The following C16orf89 variants were observed in gnomAD, a reference collection of about 807,000 sequenced individuals.
The protein encoded by C16orf89 is chromosome 16 open reading frame 89.
C16orf89 carries 57 observed loss-of-function variants against 41.5 expected under a neutral mutation model. That is an observed-to-expected ratio of 1.38 (90% CI 1.11 to 1.71). The LOEUF is 1.71. Ranked by LOEUF, C16orf89 falls within the 40% of genes most tolerant of loss-of-function variation. The pLI, the probability that C16orf89 is intolerant of heterozygous loss-of-function variation, is 0.00. For missense variants in C16orf89, 575 were observed against 445.9 expected (o/e 1.29, Z -2.61); for synonymous variants, 223 against 190.6 (o/e 1.17, Z -1.40).
intron 7 of C16orf89, among the ~76,000 whole-genome samples, chr16:5,045,787 A>G (rs1956284997): frequency 1.3e-5 from 2 of 152,126 alleles, no homozygotes; most frequent in African/African-American, 4.8e-5. Context: ...CCTGACCTCA[A>G]ACCCTGTGCT....
Position 5,050,058 on chromosome 16 carries a change from A to T in C16orf89, c.869-2094T>A, listed in dbSNP as rs1288476270. On this transcript the variant is annotated intron_variant, in intron 6 of 7. Coordinates refer to ENST00000472572, the MANE Select transcript of C16orf89 (RefSeq NM_001098514.3). ...AAAGGATCATTAGAGACTATTATAA[A>T]CAACAAATTAGAAAACCTAGTGGAG... Among the ~76,000 whole-genome samples the T allele has an allele frequency of 6.6e-5, 10 of 152,308 alleles. No individual in the cohort carries two copies. In the South Asian group the frequency reaches 2.1e-3, roughly 32 times the overall value.
chr16:5,044,762 T>G, intron 7 of C16orf89: 1 of 1,109,120 alleles, frequency 9.0e-7, no homozygotes, highest in Non-Finnish European at 1.2e-6. Context: ...GAGAATTGCT[T>G]GAACCCAGGA....
intron 1 of C16orf89, among the ~76,000 whole-genome samples, chr16:5,063,972 C>CA (rs1956682868): frequency 6.6e-6 from 1 of 151,958 alleles, no homozygotes; most frequent in Non-Finnish European, 1.5e-5. Flanking sequence ...ACCAAAAATA[C>CA]AAAAATTAGC....
intron 6 of C16orf89, among the ~76,000 whole-genome samples, chr16:5,052,608 A>G (rs71386504): frequency 0.3 from 45,819 of 151,822 alleles, 6,990 homozygotes; most frequent in Middle Eastern, 0.35. Context: ...AGAAAGAAAA[A>G]AAAAAAAGAC....
intron 2 of C16orf89, among the ~76,000 whole-genome samples, chr16:5,060,982 C>T (rs1353891201): frequency 7.6e-6 from 1 of 132,078 alleles, no homozygotes; most frequent in Non-Finnish European, 1.6e-5. Context: ...GAGGCAGGGC[C>T]AAGAGCGGTG....
At position 5,059,601 on chromosome 16, in the gene C16orf89, G is replaced by A. The variant is rs149437563; in HGVS notation, c.509+685C>T. On this transcript the variant is annotated intron_variant, in intron 3 of 7. Coordinates refer to ENST00000472572, the MANE Select transcript of C16orf89 (RefSeq NM_001098514.3). ...GCTGACAGGATGCGGCCTGGGCACC[G>A]GCTGCCCACTTTGCCCATGGGCCCT... Among the ~76,000 whole-genome samples the A allele has an allele frequency of 7.5e-3, 1,145 of 152,258 alleles. 7 individuals carry two copies. Among genetic ancestry groups the A allele is most frequent in the Non-Finnish European group, 0.011 (775 of 68,036 alleles).
Position 5,056,036 on chromosome 16 carries a change from C to T in C16orf89, c.763+17G>A. 1 of 1,577,192 alleles carries T rather than the reference C, an allele frequency of 6.3e-7. No individual in the cohort carries two copies. The highest frequency in any genetic ancestry group is 8.6e-7 in the Non-Finnish European group (1 of 1,156,192). ...ACACCCTGTTCCTTTGCCCCGGGGG[C>T]AGAATGCTGGCCATACTGTTTTCCA... On this transcript the variant is annotated intron_variant, in intron 5 of 7. Transcript: ENST00000472572.
intron 4 of C16orf89, among the ~76,000 whole-genome samples, chr16:5,058,201 A>G (rs1000627818): frequency 4.6e-5 from 7 of 151,570 alleles, no homozygotes; most frequent in Non-Finnish European, 7.4e-5. Context: ...AATCTTACTC[A>G]CTGCAACCTC....
Position 5,056,081 on chromosome 16 carries a change from G to C in C16orf89, c.735C>G (p.Tyr245Ter). ...NRRAEAIGYA[Y>*]PTRDIFMENI... Reference sequence around the variant, plus strand: ...TTTCCATGAAGATGTCCCGGGTAGGGTAGGCGTATCCGATGGCCTCAGCTC... The same window carrying C: ...TTTCCATGAAGATGTCCCGGGTAGGCTAGGCGTATCCGATGGCCTCAGCTC... Residue 245 changes from tyrosine (Y) to a stop codon, truncating the protein, a stop_gained, in exon 5 of 8, where the codon TAC becomes TAG. Transcript: ENST00000472572. LOFTEE classifies it high-confidence loss of function. 1 of 1,597,784 alleles carries C rather than the reference G, an allele frequency of 6.3e-7. No homozygotes were observed. The highest frequency in any genetic ancestry group is 8.6e-7 in the Non-Finnish European group (1 of 1,166,380).
intron 7 of C16orf89, 62 bp from the exon 8 acceptor site, chr16:5,044,540 G>A: frequency 6.2e-7 from 1 of 1,602,730 alleles, no homozygotes; most frequent in Non-Finnish European, 8.5e-7. Flanking sequence ...ATTCAACACA[G>A]TCTCATTGAA....
At chr16:5,048,927 T>G (rs1956350708) in intron 6 of C16orf89, among the ~76,000 whole-genome samples, 1 of 152,006 alleles carries the variant, frequency 6.6e-6, no homozygotes, top group African/African-American at 2.4e-5. Context: ...ATAGAGTGGC[T>G]GAATGAATGA....
intron 3 of C16orf89, 115 bp downstream of exon 3, chr16:5,060,171 G>T: frequency 7.7e-7 from 1 of 1,299,314 alleles, no homozygotes. Context: ...CTGCACCTGT[G>T]TCTGCACAAA....
At chr16:5,065,209 A>T (rs1956712654) in intron 1 of C16orf89, among the ~76,000 whole-genome samples, 5 of 152,070 alleles carry the variant, frequency 3.3e-5, no homozygotes, top group African/African-American at 1.2e-4. Flanking sequence ...CTTCTTGGGG[A>T]TCTTATAGCT....
chr16:5,048,483 C>G (rs974547978), intron 6 of C16orf89, among the ~76,000 whole-genome samples: 1 of 152,164 alleles, frequency 6.6e-6, no homozygotes, highest in Non-Finnish European at 1.5e-5. Flanking sequence ...AACTTGTCAT[C>G]TACTGATGGT....
intron 7 of C16orf89, among the ~76,000 whole-genome samples, chr16:5,045,898 C>G (rs1043289990): frequency 6.6e-6 from 1 of 152,184 alleles, no homozygotes; most frequent in Admixed American, 6.6e-5. Context: ...GCTGGTCAAC[C>G]TGGAGGTGTT....
chr16:5,044,213 T>C lies in C16orf89; in HGVS notation c.*135A>G, dbSNP rs1444028085. 7 of 1,409,970 alleles carry C rather than the reference T, an allele frequency of 5.0e-6. No individual in the cohort carries two copies. The South Asian group carries it at 6.5e-5, about 13-fold the overall frequency. 87.3% of individuals were successfully genotyped at this position (1,409,970 alleles called of 1,614,324 possible). ...CCTTGCCTACTCAGGGCTTCCAAGA[T>C]TGGGTGTCGGGGTGGCTTTGCTTAT... On this transcript the variant is annotated 3_prime_UTR_variant, in exon 8 of 8. Transcript: ENST00000472572.
At position 5,062,557 on chromosome 16, in the gene C16orf89, G is replaced by A. The variant is rs761975801; in HGVS notation, c.226C>T (p.Arg76Trp). The change falls in exon 2 of 8, where the codon CGG becomes TGG. Residue 76 changes from arginine to tryptophan, a missense_variant. Physicochemically the swap from Arg to Trp is moderately radical, Grantham distance 101. Coordinates refer to ENST00000472572, the MANE Select transcript of C16orf89 (RefSeq NM_001098514.3). ...RVLEEQLKSV[R>W]EKWAQEPLLQ... ...AGGGGCTCCTGGGCCCACTTCTCCC[G>A]GACACTTTTTAGCTGCTCTGGAAGG... 4.0e-5 allele frequency: 64 copies of A among 1,611,366 alleles called. No individual in the cohort carries two copies. The highest frequency in any genetic ancestry group is 3.9e-4 in the South Asian group (35 of 90,758).
chr16:5,056,286 C>T (rs892957765), intron 4 of C16orf89, 98 bp from the exon 5 acceptor site: 2 of 1,235,682 alleles, frequency 1.6e-6, no homozygotes. Context: ...GACGGTCTTG[C>T]AAGGGGCTGT....
At chr16:5,053,540 G>GTTTT (rs1383965959) in intron 6 of C16orf89, among the ~76,000 whole-genome samples, 1 of 149,268 alleles carries the variant, frequency 6.7e-6, no homozygotes, top group Non-Finnish European at 1.5e-5. Flanking sequence ...AACAATTTGT[G>GTTTT]GTTTTTTTTT....
Sources: allele counts gnomAD v4.1 joint callset (sites outside exome capture counted in the v4.1 genomes callset), GRCh38; gene constraint gnomAD v4.1.1; transcripts MANE v1.5; gene names NCBI Gene and HGNC (gene_info 2026-07-23, HGNC 2026-07-21).